Variants in KLF12 observed in about 807,000 individuals in gnomAD.
KLF12 encodes Krueppel-like factor 12.
KLF12 carries 9 observed loss-of-function variants against 37.8 expected under a neutral mutation model. The observed-to-expected ratio is 0.24, with a 90% confidence interval of 0.14 to 0.42. The LOEUF is 0.42. Among genes scored for constraint, KLF12 ranks in the 10% least tolerant of loss-of-function variants. The pLI is 1.00. For synonymous variants in KLF12, 208 were observed against 202.1 expected (o/e 1.03, Z -0.25); for missense variants, 411 against 516.0 (o/e 0.80, Z 1.97).
chr13:74,270,748 T>G, the KLF12 span, among the ~76,000 whole-genome samples: 2 of 152,142 alleles, frequency 1.3e-5, no homozygotes, highest in African/African-American at 4.8e-5. Context: ...GCGGGTAGCC[T>G]GCGAACCCTG....
chr13:73,772,342 G>A (rs946516208), intron 5 of KLF12, among the ~76,000 whole-genome samples: 13 of 152,214 alleles, frequency 8.5e-5, no homozygotes, highest in African/African-American at 3.1e-4. Flanking sequence ...ACTTGAAGAA[G>A]CCAGCACTGC....
intron 3 of KLF12, among the ~76,000 whole-genome samples, chr13:73,899,932 A>G (rs1340730184): frequency 6.6e-6 from 1 of 152,170 alleles, no homozygotes; most frequent in Non-Finnish European, 1.5e-5. Flanking sequence ...TTCCCCTAAT[A>G]AAGTCTCCTC....
At chr13:73,759,646 C>G (rs774700687) in intron 6 of KLF12, among the ~76,000 whole-genome samples, 1 of 152,138 alleles carries the variant, frequency 6.6e-6, no homozygotes, top group Non-Finnish European at 1.5e-5. Flanking sequence ...CTACTGGATA[C>G]GCATGCAGAG....
rs372888260 is a variant in KLF12, at chr13:73,703,274, A to C, written c.1028-7603T>G. Among the ~76,000 whole-genome samples, 41 of 152,320 alleles carry C rather than the reference A, an allele frequency of 2.7e-4. 5 individuals carry two copies. Among genetic ancestry groups the C allele is most frequent in the Admixed American group, 1.7e-3 (26 of 15,304 alleles). On this transcript the variant is annotated intron_variant, in intron 7 of 7. Transcript: ENST00000377669. ...CAGGGTATTTCTGTTTTTATAAAGA[A>C]ATAAAAATAATATAAAGTTAAAAAT...
intron 3 of KLF12, among the ~76,000 whole-genome samples, chr13:73,912,430 C>A (rs187927578): frequency 6.6e-6 from 1 of 152,252 alleles, no homozygotes; most frequent in Admixed American, 6.5e-5. Context: ...AGAGGTCATA[C>A]TGGAAGACGG....
chr13:74,185,577 A>G, the KLF12 span, among the ~76,000 whole-genome samples: 1 of 152,216 alleles, frequency 6.6e-6, no homozygotes, highest in Non-Finnish European at 1.5e-5. Context: ...ACCAGGGTCA[A>G]GTAACACTCC....
At chr13:74,128,582 C>T (rs746596669) in intron 1 of KLF12, among the ~76,000 whole-genome samples, 8 of 152,126 alleles carry the variant, frequency 5.3e-5, no homozygotes, top group African/African-American at 9.7e-5. Context: ...GAGTAAGAAT[C>T]GAACTGAGAT....
chr13:74,172,171 A>ACACT, the KLF12 span, among the ~76,000 whole-genome samples: 1 of 151,244 alleles, frequency 6.6e-6, no homozygotes, highest in African/African-American at 2.4e-5. Flanking sequence ...ACACACACAC[A>ACACT]CTCTACTGAC....
the KLF12 span, among the ~76,000 whole-genome samples, chr13:74,251,789 C>T: frequency 2.0e-5 from 3 of 152,296 alleles, no homozygotes; most frequent in Non-Finnish European, 2.9e-5. Flanking sequence ...TTGGCTGTGA[C>T]ATGAGGGTTA....
chr13:74,216,387 G>T, the KLF12 span, among the ~76,000 whole-genome samples: 1 of 152,160 alleles, frequency 6.6e-6, no homozygotes, highest in Admixed American at 6.5e-5. Context: ...AAAAAAATTG[G>T]CCACAGGTTA....
chr13:73,874,446 C>A lies in KLF12; in HGVS notation c.124-28073G>T, dbSNP rs1886610511. ...AGTGACTCTTACTAGCAGCCATAGA[C>A]CCATGTAAAGTAAATCACATGATGC... is the stretch of plus-strand genomic sequence containing the variant. On this transcript the variant is annotated intron_variant, in intron 3 of 7. Transcript: ENST00000377669. 2.6e-5 allele frequency among the ~76,000 whole-genome samples: 4 copies of A among 152,088 alleles called. No homozygotes were observed. In the South Asian group the frequency reaches 8.3e-4, roughly 32 times the overall value.
At chr13:74,207,322 A>G in the KLF12 span, among the ~76,000 whole-genome samples, 1 of 152,218 alleles carries the variant, frequency 6.6e-6, no homozygotes, top group Non-Finnish European at 1.5e-5. Context: ...ACAGTCATAC[A>G]CAATACAAAG....
chr13:73,899,464 G>A (rs910873794), intron 3 of KLF12, among the ~76,000 whole-genome samples: 2 of 152,200 alleles, frequency 1.3e-5, no homozygotes, highest in African/African-American at 4.8e-5. Flanking sequence ...TCCCTCCCCT[G>A]AGCTATGTGG....
At chr13:74,251,632 C>T in the KLF12 span, among the ~76,000 whole-genome samples, 1 of 152,246 alleles carries the variant, frequency 6.6e-6, no homozygotes, top group East Asian at 1.9e-4. Flanking sequence ...CATCTTCCTA[C>T]CCTCCCCCAC....
chr13:73,839,093 CTTTTTTT>C (rs371913126), intron 4 of KLF12, among the ~76,000 whole-genome samples: 1 of 138,598 alleles, frequency 7.2e-6, no homozygotes, highest in Admixed American at 7.3e-5. Flanking sequence ...ATGACATTAA[CTTTTTTT>C]TTTTTTTTTT....
intron 7 of KLF12, among the ~76,000 whole-genome samples, chr13:73,712,829 C>A (rs1325514120): frequency 6.6e-6 from 1 of 152,180 alleles, no homozygotes; most frequent in Non-Finnish European, 1.5e-5. Flanking sequence ...TACTTGTGAG[C>A]AATGAAGTGC....
In KLF12 at chr13:74,055,207, ACT is replaced by A. The variant is rs535561194; in HGVS notation, c.-31-60156_-31-60155del. On this transcript the variant is annotated intron_variant, in intron 1 of 7. Transcript: ENST00000377669. ...TGTAACAAGTCAAATTCTGCCCTTT[ACT>A]CTCTCACCAAAATATCGTGTAGTGT... 1.9e-3 allele frequency among the ~76,000 whole-genome samples: 293 copies of A among 152,162 alleles called. 1 individual carries two copies. Among genetic ancestry groups the A allele is most frequent in the African/African-American group, 6.7e-3 (279 of 41,512 alleles).
intron 6 of KLF12, among the ~76,000 whole-genome samples, chr13:73,716,978 T>C (rs1400120032): frequency 2.0e-5 from 3 of 152,210 alleles, no homozygotes; most frequent in Non-Finnish European, 4.4e-5. Flanking sequence ...CATTTTACAA[T>C]TGAAGACATT....
intron 4 of KLF12, among the ~76,000 whole-genome samples, chr13:73,818,610 A>T (rs181959160): frequency 6.6e-6 from 1 of 152,390 alleles, no homozygotes; most frequent in African/African-American, 2.4e-5. Flanking sequence ...GGAAAAGGAC[A>T]TTCTTCTATT....
Sources: gnomAD v4.1 joint callset for allele counts (sites outside exome capture counted in the v4.1 genomes callset) on GRCh38, gnomAD v4.1.1 for gene constraint, MANE v1.5 for transcripts, NCBI Gene and HGNC (gene_info 2026-07-23, HGNC 2026-07-21) for gene names.